The following TERB1 variants were observed in gnomAD, a reference collection of about 807,000 sequenced individuals.
TERB1 encodes the protein telomere repeats-binding bouquet formation protein 1.
TERB1 carries 63 observed loss-of-function variants against 92.3 expected under a neutral mutation model. The observed-to-expected ratio is 0.68, with a 90% CI of 0.56 to 0.84. TERB1 has a LOEUF of 0.84. TERB1 is among the 40% of genes least tolerant of loss of function. The pLI is 0.00. For synonymous variants in TERB1, 252 were observed against 283.9 expected (o/e 0.89, Z 1.13); for missense variants, 709 against 843.7 (o/e 0.84, Z 1.98).
chr16:66,757,849 T>C (rs1224903004), intron 18 of TERB1, among the ~76,000 whole-genome samples: 3 of 152,216 alleles, frequency 2.0e-5, no homozygotes, highest in East Asian at 1.9e-4. Context: ...GAAATGGTGA[T>C]CAATGTGAAA....
intron 16 of TERB1, among the ~76,000 whole-genome samples, chr16:66,761,696 G>A (rs564778488): frequency 1.2e-4 from 19 of 152,142 alleles, no homozygotes; most frequent in Non-Finnish European, 2.5e-4. Context: ...GCTGAGGCAG[G>A]AGAATCCCTT....
At chr16:66,799,279 G>A (rs913357017) in intron 2 of TERB1, among the ~76,000 whole-genome samples, 1 of 152,078 alleles carries the variant, frequency 6.6e-6, no homozygotes, top group Admixed American at 6.6e-5. Flanking sequence ...CCAGGCTGGA[G>A]TGCAGTGGTG....
Position 66,754,916 on chromosome 16 carries a change from G to A in TERB1, c.*60C>T. The A allele has an allele frequency of 2.2e-6, 3 of 1,385,314 alleles. No individual in the cohort carries two copies. The highest frequency in any genetic ancestry group is 1.8e-4 in the Middle Eastern group (1 of 5,640). 85.8% of individuals were successfully genotyped at this position (1,385,314 alleles called of 1,614,324 possible). On this transcript the variant is annotated 3_prime_UTR_variant, in exon 19 of 19. Transcript: ENST00000433154. ...GAGAGTTTAGAAAAATACTTTAAAT[G>A]TATCTTTCAAGGCACTGTATTTTAA...
At chr16:66,793,270 C>T (rs1170392308) in intron 3 of TERB1, among the ~76,000 whole-genome samples, 3 of 137,410 alleles carry the variant, frequency 2.2e-5, no homozygotes, top group East Asian at 4.2e-4. Flanking sequence ...CAGGCAGGAG[C>T]GCAGTGGTGC....
At chr16:66,758,685 G>A (rs1445721214) in intron 18 of TERB1, 88 bp downstream of exon 18, 2 of 754,254 alleles carry the variant, frequency 2.7e-6, no homozygotes, top group East Asian at 2.9e-5. Flanking sequence ...AGGCTGCAGT[G>A]AGCCGAGATT....
At chr16:66,766,147 A>G (rs1292926503) in intron 16 of TERB1, among the ~76,000 whole-genome samples, 2 of 152,046 alleles carry the variant, frequency 1.3e-5, no homozygotes, top group South Asian at 2.1e-4. Flanking sequence ...CTGGGATTAC[A>G]GGCGTGAGCC....
chr16:66,756,175 G>A (rs576950624), intron 18 of TERB1, among the ~76,000 whole-genome samples: 1 of 152,262 alleles, frequency 6.6e-6, no homozygotes, highest in African/African-American at 2.4e-5. Context: ...GAAGTTTTCT[G>A]TATTTCCAGT....
intron 1 of TERB1, 65 bp downstream of exon 1, chr16:66,801,403 A>AG (rs535670192): frequency 2.0e-4 from 31 of 152,472 alleles, no homozygotes; most frequent in African/African-American, 7.5e-4. Flanking sequence ...ACGTGGGCTA[A>AG]GGGCCTGACG....
intron 18 of TERB1, among the ~76,000 whole-genome samples, chr16:66,756,579 G>C (rs2018142871): frequency 6.6e-6 from 1 of 152,074 alleles, no homozygotes; most frequent in African/African-American, 2.4e-5. Context: ...GAAAACTGTG[G>C]CTATCCAAGA....
At chr16:66,779,922 A>T (rs1421836366) in intron 9 of TERB1, among the ~76,000 whole-genome samples, 1 of 152,200 alleles carries the variant, frequency 6.6e-6, no homozygotes. Context: ...ACCGGTATCT[A>T]TTTCTTTAAG....
chr16:66,778,363 T>G (rs538169709), intron 10 of TERB1, among the ~76,000 whole-genome samples: 1 of 152,106 alleles, frequency 6.6e-6, no homozygotes, highest in Non-Finnish European at 1.5e-5. Flanking sequence ...CCTTCCAAAG[T>G]GCTGGGATTA....
intron 16 of TERB1, among the ~76,000 whole-genome samples, chr16:66,759,889 C>T (rs8059243): frequency 0.5 from 73,553 of 148,370 alleles, 19,357 homozygotes; most frequent in East Asian, 0.63. Flanking sequence ...AATTCCAGCA[C>T]TTTGGGAGGC....
At chr16:66,780,906 T>C (rs1355551609) in intron 9 of TERB1, among the ~76,000 whole-genome samples, 3 of 152,246 alleles carry the variant, frequency 2.0e-5, no homozygotes, top group African/African-American at 7.2e-5. Context: ...TGAATATAGA[T>C]ATACATCAGC....
In TERB1 at chr16:66,788,315, A is replaced by G; in HGVS notation, c.272-18T>C. 3 of 1,463,838 alleles carry G rather than the reference A, an allele frequency of 2.0e-6. No individual in the cohort carries two copies. 90.7% of individuals were successfully genotyped at this position (1,463,838 alleles called of 1,614,324 possible). A position where few individuals can be genotyped will look rare whatever the true frequency, so the allele number is the denominator to read the frequency against. On this transcript the variant is annotated intron_variant, in intron 5 of 18. Coordinates refer to ENST00000433154, the MANE Select transcript of TERB1 (RefSeq NM_001136505.2). Reference sequence around the variant, plus strand: ...ACAGTAAACTGAAATATAAAATATAATTTTAATTTCAATGCATTGTCACAA... The same window carrying G: ...ACAGTAAACTGAAATATAAAATATAGTTTTAATTTCAATGCATTGTCACAA...
intron 18 of TERB1, among the ~76,000 whole-genome samples, chr16:66,757,338 C>G (rs993478061): frequency 6.6e-6 from 1 of 152,152 alleles, no homozygotes; most frequent in Admixed American, 6.5e-5. Flanking sequence ...TCATGAAGTT[C>G]TGCAAATTAT....
At chr16:66,758,353 G>A (rs1193314946) in intron 18 of TERB1, 1 of 167,734 alleles carries the variant, frequency 6.0e-6, no homozygotes, top group South Asian at 1.5e-4. Flanking sequence ...TCAGAGGCAA[G>A]GTTTATCATT....
upstream of TERB1, chr16:66,801,644 AG>A (rs1242853942): frequency 6.6e-6 from 1 of 152,182 alleles, no homozygotes; most frequent in African/African-American, 2.4e-5. Context: ...TCCGGCCGGC[AG>A]CCCCGCCGCC....
intron 2 of TERB1, among the ~76,000 whole-genome samples, chr16:66,797,317 C>A (rs185997604): frequency 6.6e-6 from 1 of 151,238 alleles, no homozygotes; most frequent in East Asian, 1.9e-4. Context: ...CTCCCTGCAG[C>A]CTTGACCTCC....
chr16:66,770,637 A>G (rs944247704), intron 13 of TERB1, among the ~76,000 whole-genome samples: 1 of 152,128 alleles, frequency 6.6e-6, no homozygotes, highest in African/African-American at 2.4e-5. Context: ...CTTAAGGGGT[A>G]TAAGACCTTT....
Sources: allele counts gnomAD v4.1 joint callset (sites outside exome capture counted in the v4.1 genomes callset), GRCh38; gene constraint gnomAD v4.1.1; transcripts MANE v1.5; gene names NCBI Gene and HGNC (gene_info 2026-07-23, HGNC 2026-07-21).